The following ITK variants were observed in gnomAD, a reference collection of about 807,000 sequenced individuals.
ITK encodes the protein tyrosine-protein kinase ITK/TSK.
ITK carries 45 observed loss-of-function variants against 87.6 expected under a neutral mutation model. The ratio of observed to expected loss-of-function variants is 0.51; its 90% CI spans 0.40 to 0.66. The LOEUF is 0.66. Among genes scored for constraint, ITK ranks in the 30% least tolerant of loss-of-function variants. ITK has a pLI of 0.00. For missense variants in ITK, 605 were observed against 766.3 expected (o/e 0.79, Z 2.48); for synonymous variants, 303 against 273.6 (o/e 1.11, Z -1.06).
At chr5:157,206,781 T>C (rs967362896) in intron 1 of ITK, among the ~76,000 whole-genome samples, 3 of 152,210 alleles carry the variant, frequency 2.0e-5, no homozygotes, top group African/African-American at 7.2e-5. Context: ...TCTTTTCTTC[T>C]TTATGAGTAT....
chr5:157,230,471 G>A (rs1015008171), intron 7 of ITK, among the ~76,000 whole-genome samples: 2 of 152,172 alleles, frequency 1.3e-5, no homozygotes, highest in African/African-American at 4.8e-5. Context: ...TGAAATTCTA[G>A]TAGATTCTTT....
At chr5:157,227,411 C>G (rs949873943) in intron 6 of ITK, among the ~76,000 whole-genome samples, 1 of 152,188 alleles carries the variant, frequency 6.6e-6, no homozygotes, top group African/African-American at 2.4e-5. Context: ...TCCTGATCCC[C>G]AAATCTAGCC....
At chr5:157,245,278 T>G (rs987263536) in intron 13 of ITK, 4 of 240,024 alleles carry the variant, frequency 1.7e-5, no homozygotes, top group Non-Finnish European at 3.3e-5. Context: ...CTCCAATGGC[T>G]TTTTCAATGC....
intron 1 of ITK, among the ~76,000 whole-genome samples, chr5:157,204,138 G>A (rs76044981): frequency 0.01 from 1,524 of 152,278 alleles, 29 homozygotes; most frequent in African/African-American, 0.034. Context: ...ACCCTCCCAA[G>A]TAGCTGGGAC....
intron 1 of ITK, among the ~76,000 whole-genome samples, chr5:157,202,743 T>C (rs246853): frequency 6.6e-6 from 1 of 152,074 alleles, no homozygotes; most frequent in African/African-American, 2.4e-5. Context: ...ATTTTAGATA[T>C]TGGGTTAAAC....
At chr5:157,240,484 G>C (rs1020656557) in intron 10 of ITK, 1 of 478,322 alleles carries the variant, frequency 2.1e-6, no homozygotes, top group Non-Finnish European at 3.8e-6. Context: ...GTGCCAAAAA[G>C]GTTGGGGACT....
intron 12 of ITK, 41 bp downstream of exon 12, chr5:157,243,835 A>G (rs1754963784): frequency 1.9e-6 from 3 of 1,588,024 alleles, no homozygotes; most frequent in Non-Finnish European, 2.6e-6. Context: ...CTCTGGGGGG[A>G]ACATCGGTTC....
intron 13 of ITK, chr5:157,245,244 AAT>A: frequency 5.7e-6 from 1 of 175,418 alleles, no homozygotes. Context: ...AAAAAAAAAA[AAT>A]TGAGACACAC....
In ITK at chr5:157,211,270, T is replaced by G; in HGVS notation, c.244-17T>G. ...CATGCACGCTGCTCACCTTGAACTC[T>G]GTGTGTGTGTCTCCAGGTGGTGCAT... On this transcript the variant is annotated splice_polypyrimidine_tract_variant and intron_variant, in intron 2 of 16. Transcript: ENST00000422843. 1 of 1,602,420 alleles carries G rather than the reference T, an allele frequency of 6.2e-7. No individual in the cohort carries two copies. The highest frequency in any genetic ancestry group is 8.5e-7 in the Non-Finnish European group (1 of 1,169,806).
intron 2 of ITK, among the ~76,000 whole-genome samples, 178 bp from the exon 3 acceptor site, chr5:157,211,109 C>G (rs545857554): frequency 6.6e-6 from 1 of 152,214 alleles, no homozygotes; most frequent in South Asian, 2.1e-4. Context: ...ACTGCTTACC[C>G]TGTGTTTTTG....
intron 4 of ITK, among the ~76,000 whole-genome samples, chr5:157,215,750 A>G (rs930262814): frequency 6.6e-6 from 1 of 152,220 alleles, no homozygotes; most frequent in African/African-American, 2.4e-5. Flanking sequence ...CCTCATCTCA[A>G]AAATGGCAGG....
intron 5 of ITK, among the ~76,000 whole-genome samples, chr5:157,218,392 A>G (rs1754342040): frequency 6.6e-6 from 1 of 151,816 alleles, no homozygotes; most frequent in Non-Finnish European, 1.5e-5. Flanking sequence ...CTGTAGTCAC[A>G]GCTACTTAGC....
intron 15 of ITK, 84 bp downstream of exon 15, chr5:157,246,083 C>A: frequency 1.1e-6 from 1 of 927,016 alleles, no homozygotes; most frequent in Non-Finnish European, 1.8e-6. Context: ...CAACCCTACC[C>A]ACACTGAACC....
chr5:157,184,064 A>G (rs766136432), intron 1 of ITK, among the ~76,000 whole-genome samples: 9 of 152,200 alleles, frequency 5.9e-5, no homozygotes, highest in Admixed American at 5.2e-4. Context: ...TTGCTGGAGC[A>G]GTGGGCCAGA....
chr5:157,216,510 A>T (rs529792833), intron 4 of ITK, among the ~76,000 whole-genome samples: 1 of 152,226 alleles, frequency 6.6e-6, no homozygotes, highest in Admixed American at 6.5e-5. Context: ...ATAGCCTCAG[A>T]ACTTGTATGG....
chr5:157,220,905 C>G (rs1050718087), intron 5 of ITK, among the ~76,000 whole-genome samples: 5 of 152,088 alleles, frequency 3.3e-5, no homozygotes, highest in Non-Finnish European at 7.4e-5. Flanking sequence ...GTTGCCCAGG[C>G]TGGAATGCAG....
At chr5:157,190,157 C>G (rs1308786121) in intron 1 of ITK, among the ~76,000 whole-genome samples, 1 of 152,040 alleles carries the variant, frequency 6.6e-6, no homozygotes, top group Non-Finnish European at 1.5e-5. Context: ...CCATATAATT[C>G]CTATTAACCT....
At chr5:157,191,105 G>C (rs1271007624) in intron 1 of ITK, among the ~76,000 whole-genome samples, 2 of 151,644 alleles carry the variant, frequency 1.3e-5, no homozygotes, top group African/African-American at 4.9e-5. Flanking sequence ...TTGTTCTTCA[G>C]TTGTCTTATG....
Position 157,217,809 on chromosome 5 carries a change from C to T in ITK, c.455-58C>T, listed in dbSNP as rs185534188. The T allele has an allele frequency of 3.5e-4, 524 of 1,509,960 alleles. 1 individual carries two copies. In the Admixed American group the frequency reaches 5.1e-3, roughly 15 times the overall value. 93.5% of individuals were successfully genotyped at this position (1,509,960 alleles called of 1,614,324 possible). A position where few individuals can be genotyped will look rare whatever the true frequency, so the allele number is the denominator to read the frequency against. ...GAAAAACCCCCTGGCTGCTCACTTC[C>T]GGTTGGGTCCATTAGTTTTCATGCT... On this transcript the variant is annotated intron_variant, in intron 4 of 16. Coordinates refer to ENST00000422843, the MANE Select transcript of ITK (RefSeq NM_005546.4).
Sources: gnomAD v4.1 joint callset for allele counts (sites outside exome capture counted in the v4.1 genomes callset) on GRCh38, gnomAD v4.1.1 for gene constraint, MANE v1.5 for transcripts, NCBI Gene and HGNC (gene_info 2026-07-23, HGNC 2026-07-21) for gene names.